RPS6KA2: variants seen among roughly 807,000 people sequenced by gnomAD.
RPS6KA2 encodes the protein ribosomal protein S6 kinase A2, also known as ribosomal protein S6 kinase alpha-2.
Under a neutral mutation model 91.8 loss-of-function variants are expected in RPS6KA2, and 42 were observed. That is an observed-to-expected ratio of 0.46 (90% CI 0.36 to 0.59). The LOEUF (loss-of-function observed/expected upper bound fraction) is 0.59. RPS6KA2 is among the 20% of genes least tolerant of loss of function. The pLI is 0.00. For missense variants in RPS6KA2, 798 were observed against 978.5 expected, an observed-to-expected ratio of 0.82 and a Z score of 2.46; for synonymous variants, 414 against 393.6, an observed-to-expected ratio of 1.05 and a Z score of -0.61.
rs1056980310 is a variant in RPS6KA2, at chr6:166,522,167, C to T, written c.298+9065G>A. Among the ~76,000 whole-genome samples the T allele has an allele frequency of 7.2e-5, 11 of 152,178 alleles. No homozygotes were observed. The East Asian group carries it at 1.7e-3, about 24-fold the overall frequency. On this transcript the variant is annotated intron_variant, in intron 3 of 20. Transcript: ENST00000265678. The stretch of plus-strand genomic sequence containing the variant: ...ATATCTGCCTGAATGAACTAAGACA[C>T]GTATCGTATCATATTATAGCATACT...
intron 1 of RPS6KA2, among the ~76,000 whole-genome samples, chr6:166,542,936 G>C (rs929929828): frequency 6.6e-6 from 1 of 152,336 alleles, no homozygotes; most frequent in East Asian, 1.9e-4. Context: ...AAAAAGGAGA[G>C]AGGTCATTCT....
At chr6:166,432,017 T>G (rs2128446091) in intron 15 of RPS6KA2, among the ~76,000 whole-genome samples, 1 of 152,298 alleles carries the variant, frequency 6.6e-6, no homozygotes, top group Non-Finnish European at 1.5e-5. Context: ...GTAGGCCCAA[T>G]ATCCTGTGAC....
At chr6:166,621,665 C>T (rs1371953190) in intron 1 of RPS6KA2, among the ~76,000 whole-genome samples, 2 of 152,142 alleles carry the variant, frequency 1.3e-5, no homozygotes, top group Non-Finnish European at 2.9e-5. Flanking sequence ...TTAATAAGCA[C>T]AGATCCTTGG....
intron 2 of RPS6KA2, among the ~76,000 whole-genome samples, chr6:166,680,239 C>T (rs1788751315): frequency 6.6e-6 from 1 of 152,206 alleles, no homozygotes; most frequent in African/African-American, 2.4e-5. Flanking sequence ...CACCAATCAG[C>T]ACTCTGTGTC....
intron 2 of RPS6KA2, among the ~76,000 whole-genome samples, chr6:166,691,713 A>C (rs997611309): frequency 6.6e-6 from 1 of 152,210 alleles, no homozygotes; most frequent in Non-Finnish European, 1.5e-5. Flanking sequence ...TAAGGCCCCT[A>C]TCTAAATATT....
chr6:166,611,407 C>T (rs1365227402), intron 1 of RPS6KA2, among the ~76,000 whole-genome samples: 1 of 152,224 alleles, frequency 6.6e-6, no homozygotes. Flanking sequence ...CCCACTCCAC[C>T]ATCATCCGAC....
At chr6:166,844,753 C>T (rs200627748) in intron 2 of RPS6KA2, among the ~76,000 whole-genome samples, 7 of 152,158 alleles carry the variant, frequency 4.6e-5, no homozygotes, top group African/African-American at 1.2e-4. Flanking sequence ...GCCAGCACTA[C>T]GAGAACTGCT....
At chr6:166,551,397 G>A (rs1784019177) in intron 1 of RPS6KA2, among the ~76,000 whole-genome samples, 1 of 152,216 alleles carries the variant, frequency 6.6e-6, no homozygotes, top group Non-Finnish European at 1.5e-5. Context: ...TGTGGCCAGT[G>A]GAGTTTCAGA....
At chr6:166,460,335 C>T (rs12208871) in intron 11 of RPS6KA2, among the ~76,000 whole-genome samples, 18,535 of 152,280 alleles carry the variant, frequency 0.12, 1,235 homozygotes, top group Admixed American at 0.17. Context: ...TGTTTTCAAT[C>T]CTCTAGGGCA....
rs145009271 is a variant in RPS6KA2 at position 166,524,027 on chromosome 6, G to C, written c.298+7205C>G. 3.4e-3 allele frequency among the ~76,000 whole-genome samples: 525 copies of C among 152,230 alleles called. 2 individuals carry two copies. The highest frequency in any genetic ancestry group is 5.8e-3 in the Non-Finnish European group (397 of 68,012). On this transcript the variant is annotated intron_variant, in intron 3 of 20. Coordinates refer to ENST00000265678, the MANE Select transcript of RPS6KA2 (RefSeq NM_021135.6). ...GGGGCTTTGACATGTTGGCAAGCTC[G>C]GACTGTGCTGCCTAGGCCCATTCCA...
Position 166,770,447 on chromosome 6 carries a change from C to T in RPS6KA2, c.123+87753G>A, listed in dbSNP as rs1331535043. Reference sequence around the variant, plus strand: ...GACACAGCCCCAGGCAGCTTCAGCACCCCCACGTTTGCCTCGCTGCCATGG... The same window carrying T: ...GACACAGCCCCAGGCAGCTTCAGCATCCCCACGTTTGCCTCGCTGCCATGG... On this transcript the variant is annotated intron_variant, in intron 2 of 21. Coordinates refer to the RPS6KA2 transcript ENST00000503859. This position sits in a 1 kb window ranked among gnomAD's most constrained non-coding sequence, Gnocchi z 5.1. Among the ~76,000 whole-genome samples, 2 of 126,752 alleles carry T rather than the reference C, an allele frequency of 1.6e-5. No homozygotes were observed. Among genetic ancestry groups the T allele is most frequent in the Non-Finnish European group, 3.0e-5 (2 of 67,074 alleles). The allele number at this position is 126,752 out of a possible 152,430, so 83.2% of individuals were successfully genotyped here. A position where few individuals can be genotyped will look rare whatever the true frequency, so the allele number is the denominator to read the frequency against.
chr6:166,488,503 T>C (rs1781485871), intron 10 of RPS6KA2, among the ~76,000 whole-genome samples: 1 of 152,260 alleles, frequency 6.6e-6, no homozygotes, highest in East Asian at 1.9e-4. Context: ...AAGCAGCTTT[T>C]CAACGGTTCT....
chr6:166,470,387 G>GGAAGCCA (rs1780720092), intron 10 of RPS6KA2, among the ~76,000 whole-genome samples: 2 of 152,238 alleles, frequency 1.3e-5, no homozygotes, highest in African/African-American at 4.8e-5. Flanking sequence ...GAGTCCCGGA[G>GGAAGCCA]GAAGCCAGAG....
intron 2 of RPS6KA2, among the ~76,000 whole-genome samples, chr6:166,786,275 T>C (rs1383218146): frequency 6.6e-6 from 1 of 152,188 alleles, no homozygotes; most frequent in African/African-American, 2.4e-5. Context: ...TCTTTAAAAA[T>C]GAACTTGTCT....
Position 166,554,069 on chromosome 6 carries a change from A to G in RPS6KA2, c.100-15285T>C, listed in dbSNP as rs899776952. Among the ~76,000 whole-genome samples the G allele has an allele frequency of 7.2e-5, 11 of 152,186 alleles. No homozygotes were observed. Among genetic ancestry groups the G allele is most frequent in the African/African-American group, 2.4e-4 (10 of 41,450 alleles). ...CCAAACCCTGTGTGTGTATCTGTCT[A>G]TCTGTCTGTCCAGGCAAGAACATTT... On this transcript the variant is annotated intron_variant, in intron 1 of 20. Coordinates refer to ENST00000265678, the MANE Select transcript of RPS6KA2 (RefSeq NM_021135.6). This position sits in a 1 kb window ranked among gnomAD's most constrained non-coding sequence, Gnocchi z 4.3.
At chr6:166,824,777 GTGTGTGTCTGTGTGTGTGTC>G (rs1232485572) in intron 2 of RPS6KA2, among the ~76,000 whole-genome samples, 9 of 25,308 alleles carry the variant, frequency 3.6e-4, no homozygotes, top group Non-Finnish European at 3.9e-4. Context: ...GTGTGTCTAC[GTGTGTGTCTGTGTGTGTGTC>G]TGTGTGTCTA....
upstream of RPS6KA2, among the ~76,000 whole-genome samples, chr6:166,628,570 TC>T (rs1157873093): frequency 1.3e-5 from 2 of 152,246 alleles, no homozygotes; most frequent in African/African-American, 4.8e-5. Flanking sequence ...TCATGCTGCA[TC>T]CGGGCTGAGG....
intron 19 of RPS6KA2, among the ~76,000 whole-genome samples, chr6:166,417,104 A>G (rs1402764352): frequency 6.6e-6 from 1 of 152,190 alleles, no homozygotes; most frequent in African/African-American, 2.4e-5. Context: ...CCAAGTAAAA[A>G]AGCGTCTGAT....
chr6:166,783,263 A>C (rs1778818658), intron 2 of RPS6KA2, among the ~76,000 whole-genome samples: 1 of 151,778 alleles, frequency 6.6e-6, no homozygotes, highest in South Asian at 2.1e-4. Flanking sequence ...TGAAATCAGC[A>C]GATTTGAGTA....
Sources: allele counts gnomAD v4.1 joint callset (sites outside exome capture counted in the v4.1 genomes callset), GRCh38; gene constraint gnomAD v4.1.1; non-coding constraint Gnocchi (gnomAD v3.1); transcripts MANE v1.5; gene names NCBI Gene and HGNC (gene_info 2026-07-23, HGNC 2026-07-21).